IGSF21: variants seen among roughly 807,000 people sequenced by gnomAD.
IGSF21 encodes immunoglobulin superfamily member 21.
IGSF21 carries 28 observed loss-of-function variants against 46.8 expected under a neutral mutation model. That is an observed-to-expected ratio of 0.60 (90% CI 0.44 to 0.82). IGSF21 has a LOEUF of 0.82. Ranked by LOEUF, IGSF21 falls within the 40% of genes least tolerant of loss-of-function variation. The pLI, the probability that IGSF21 is intolerant of heterozygous loss-of-function variation, is 0.00. For synonymous variants in IGSF21, 284 were observed against 273.6 expected (o/e 1.04, Z -0.38); for missense variants, 624 against 665.5 (o/e 0.94, Z 0.69).
intron 2 of IGSF21, among the ~76,000 whole-genome samples, chr1:18,266,324 C>A (rs2084989655): frequency 6.6e-6 from 1 of 152,184 alleles, no homozygotes; most frequent in Non-Finnish European, 1.5e-5. Flanking sequence ...GATTCAAGAG[C>A]CCAAATTCTT....
intron 1 of IGSF21, chr1:18,176,047 C>A (rs868006176): frequency 6.6e-6 from 1 of 152,122 alleles, no homozygotes; most frequent in African/African-American, 2.4e-5. Context: ...AGGGAAGGCC[C>A]GGTGCCTGGC....
intron 1 of IGSF21, chr1:18,110,016 G>A (rs1477381060): frequency 6.6e-6 from 1 of 152,266 alleles, no homozygotes; most frequent in Non-Finnish European, 1.5e-5. Flanking sequence ...CTGGAACCCG[G>A]GAGCAGGGTT....
intron 4 of IGSF21, among the ~76,000 whole-genome samples, chr1:18,336,894 A>G (rs2085773531): frequency 6.6e-6 from 1 of 152,216 alleles, no homozygotes; most frequent in South Asian, 2.1e-4. Flanking sequence ...ATGGTGGAAG[A>G]CAAGAGAACT....
chr1:18,364,764 G>A (rs1004861607), intron 5 of IGSF21, among the ~76,000 whole-genome samples: 2 of 151,820 alleles, frequency 1.3e-5, no homozygotes, highest in Admixed American at 6.6e-5. Context: ...CTCTCCCAAC[G>A]TCTCACTTCA....
intron 1 of IGSF21, among the ~76,000 whole-genome samples, chr1:18,189,891 T>C (rs1405334741): frequency 6.6e-6 from 1 of 152,222 alleles, no homozygotes; most frequent in African/African-American, 2.4e-5. Context: ...CCTTTACCCT[T>C]AGCCACTGCC....
At chr1:18,330,729 C>G (rs1172125267) in intron 3 of IGSF21, among the ~76,000 whole-genome samples, 1 of 152,114 alleles carries the variant, frequency 6.6e-6, no homozygotes, top group Non-Finnish European at 1.5e-5. Flanking sequence ...GCCCTGTTGG[C>G]CAAGATGATG....
At chr1:18,350,835 C>T (rs1482328148) in intron 4 of IGSF21, among the ~76,000 whole-genome samples, 1 of 152,140 alleles carries the variant, frequency 6.6e-6, no homozygotes, top group Non-Finnish European at 1.5e-5. Flanking sequence ...GCCACAGAGC[C>T]CCCCGGGAAA....
intron 1 of IGSF21, among the ~76,000 whole-genome samples, chr1:18,123,183 G>A (rs1011928271): frequency 5.3e-5 from 8 of 152,140 alleles, no homozygotes; most frequent in African/African-American, 1.9e-4. Context: ...AAGATTATTC[G>A]ATGGGCAATA....
At chr1:18,242,068 C>T (rs568049382) in intron 2 of IGSF21, among the ~76,000 whole-genome samples, 5 of 152,254 alleles carry the variant, frequency 3.3e-5, no homozygotes, top group South Asian at 4.1e-4. Context: ...ATCACCCTGC[C>T]GGAGCCATCT....
intron 1 of IGSF21, among the ~76,000 whole-genome samples, chr1:18,203,589 G>A (rs1039132613): frequency 1.3e-5 from 2 of 152,208 alleles, no homozygotes; most frequent in Non-Finnish European, 2.9e-5. Context: ...GATTACAGGC[G>A]TGAGCCACCG....
intron 1 of IGSF21, among the ~76,000 whole-genome samples, chr1:18,168,674 C>T (rs1008257509): frequency 6.6e-6 from 1 of 152,242 alleles, no homozygotes; most frequent in Middle Eastern, 3.2e-3. Flanking sequence ...AAAGGAATCG[C>T]TCCCTATCCG....
intron 1 of IGSF21, among the ~76,000 whole-genome samples, chr1:18,165,779 A>G (rs1397562343): frequency 6.6e-6 from 1 of 152,258 alleles, no homozygotes; most frequent in Non-Finnish European, 1.5e-5. Context: ...GCATGTTTAT[A>G]CCAGTCCAAG....
At chr1:18,123,384 G>T (rs1386242727) in intron 1 of IGSF21, among the ~76,000 whole-genome samples, 1 of 152,222 alleles carries the variant, frequency 6.6e-6, no homozygotes, top group East Asian at 1.9e-4. Context: ...GCTCCAGTCA[G>T]CAGCCCTGCA....
intron 2 of IGSF21, among the ~76,000 whole-genome samples, chr1:18,246,113 T>G (rs549859212): frequency 1.6e-4 from 25 of 152,184 alleles, no homozygotes; most frequent in Admixed American, 1.6e-3. Context: ...AAAGTCCCAG[T>G]TATATTTTGT....
intron 2 of IGSF21, among the ~76,000 whole-genome samples, chr1:18,277,631 C>T (rs957624213): frequency 2.0e-5 from 3 of 152,146 alleles, no homozygotes; most frequent in Non-Finnish European, 4.4e-5. Flanking sequence ...TGTCCAGGTG[C>T]CTTTTAACAA....
chr1:18,239,109 C>T (rs746166747), intron 2 of IGSF21, among the ~76,000 whole-genome samples: 13 of 152,210 alleles, frequency 8.5e-5, no homozygotes, highest in Middle Eastern at 3.4e-3. Context: ...ACATGGAATC[C>T]GGAAGTATAT....
intron 2 of IGSF21, among the ~76,000 whole-genome samples, chr1:18,228,725 G>A (rs2084594469): frequency 6.6e-6 from 1 of 152,202 alleles, no homozygotes. Flanking sequence ...ATGCTTGAGT[G>A]TGCACAGATA....
intron 6 of IGSF21, among the ~76,000 whole-genome samples, chr1:18,375,566 A>T (rs1533621): frequency 0.022 from 3,338 of 152,284 alleles, 115 homozygotes; most frequent in African/African-American, 0.075. Context: ...ACTGAATAAG[A>T]GGTGATACAA....
At chr1:18,173,149 G>A (rs1024317532) in intron 1 of IGSF21, among the ~76,000 whole-genome samples, 4 of 152,210 alleles carry the variant, frequency 2.6e-5, no homozygotes, top group South Asian at 2.1e-4. Flanking sequence ...TTAGCCAGGC[G>A]TGGTGGCGGG....
Sources: gnomAD v4.1 joint callset for allele counts (sites outside exome capture counted in the v4.1 genomes callset) on GRCh38, gnomAD v4.1.1 for gene constraint, MANE v1.5 for transcripts, NCBI Gene and HGNC (gene_info 2026-07-23, HGNC 2026-07-21) for gene names.